The following BCKDHB variants were observed in gnomAD, a reference collection of about 807,000 sequenced individuals.
BCKDHB encodes 2-oxoisovalerate dehydrogenase subunit beta, mitochondrial.
A neutral mutation model predicts 48.5 loss-of-function variants in BCKDHB; 41 were observed. The ratio of observed to expected loss-of-function variants is 0.85; its 90% CI spans 0.66 to 1.10. The LOEUF (loss-of-function observed/expected upper bound fraction) is 1.10. BCKDHB is among the 50% of genes least tolerant of loss of function. The pLI, the probability that BCKDHB is intolerant of heterozygous loss-of-function variation, is 0.00. For missense variants in BCKDHB, 496 were observed against 494.2 expected (o/e 1.00, Z -0.03); for synonymous variants, 201 against 174.8 (o/e 1.15, Z -1.18).
the BCKDHB span, among the ~76,000 whole-genome samples, chr6:80,412,279 G>T: frequency 6.6e-6 from 1 of 151,750 alleles, no homozygotes; most frequent in African/African-American, 2.4e-5. Context: ...GAGTAGCTGG[G>T]ACTACAGGCA....
the BCKDHB span, among the ~76,000 whole-genome samples, chr6:80,394,625 A>G: frequency 6.6e-6 from 1 of 152,148 alleles, no homozygotes; most frequent in African/African-American, 2.4e-5. Flanking sequence ...GAGGTTTGTC[A>G]AGTAACAGCA....
intron 9 of BCKDHB, among the ~76,000 whole-genome samples, chr6:80,338,442 G>A (rs546964319): frequency 3.7e-4 from 57 of 152,252 alleles, no homozygotes; most frequent in African/African-American, 1.3e-3. Context: ...CCCACCAGGG[G>A]GCAGCACCGG....
intron 3 of BCKDHB, among the ~76,000 whole-genome samples, chr6:80,160,086 C>G (rs56108449): frequency 0.012 from 1,759 of 152,336 alleles, 34 homozygotes; most frequent in African/African-American, 0.04. Context: ...TGAAAAATGT[C>G]TAGGGACAGA....
chr6:80,385,650 C>A, the BCKDHB span, among the ~76,000 whole-genome samples: 1 of 152,248 alleles, frequency 6.6e-6, no homozygotes, highest in East Asian at 1.9e-4. Context: ...AATGTTGATT[C>A]TCCTCAGGAG....
chr6:80,108,559 TAAAA>T (rs35042481), intron 1 of BCKDHB, among the ~76,000 whole-genome samples: 119 of 137,384 alleles, frequency 8.7e-4, no homozygotes, highest in Admixed American at 1.4e-3. Flanking sequence ...GGATAAAAAG[TAAAA>T]AAAAAAAAAA....
chr6:80,205,127 G>C (rs901128134), intron 8 of BCKDHB, among the ~76,000 whole-genome samples: 1 of 151,936 alleles, frequency 6.6e-6, no homozygotes, highest in Non-Finnish European at 1.5e-5. Flanking sequence ...TTCTTTTGAT[G>C]TATCAAAAGA....
downstream of BCKDHB, among the ~76,000 whole-genome samples, chr6:80,349,213 A>G (rs1308128467): frequency 6.6e-6 from 1 of 152,226 alleles, no homozygotes; most frequent in Non-Finnish European, 1.5e-5. Flanking sequence ...GTTAACCTTG[A>G]AAGTTTAATA....
intron 3 of BCKDHB, among the ~76,000 whole-genome samples, chr6:80,140,506 A>C (rs1006726792): frequency 6.6e-6 from 1 of 152,142 alleles, no homozygotes; most frequent in East Asian, 1.9e-4. Context: ...GTGAGTTTTT[A>C]GCATGAAGGG....
At chr6:80,399,615 A>C in the BCKDHB span, among the ~76,000 whole-genome samples, 1 of 152,142 alleles carries the variant, frequency 6.6e-6, no homozygotes, top group Admixed American at 6.6e-5. Flanking sequence ...CAAAGTATAA[A>C]ACATTCCATG....
At chr6:80,243,530 A>ATC (rs67899433) in intron 8 of BCKDHB, among the ~76,000 whole-genome samples, 1 of 152,222 alleles carries the variant, frequency 6.6e-6, no homozygotes, top group Non-Finnish European at 1.5e-5. Context: ...GTCCTTAAAT[A>ATC]TCTCTCTCTC....
chr6:80,114,288 G>C lies in BCKDHB; in HGVS notation c.196+7399G>C, dbSNP rs1008321782. 1.5e-4 allele frequency among the ~76,000 whole-genome samples: 23 copies of C among 148,936 alleles called. 1 individual carries two copies. Among genetic ancestry groups the C allele is most frequent in the Non-Finnish European group, 1.9e-4 (13 of 67,454 alleles). On this transcript the variant is annotated intron_variant, in intron 1 of 9. Coordinates refer to ENST00000320393, the MANE Select transcript of BCKDHB (RefSeq NM_183050.4). Reference sequence around the variant, plus strand: ...ATTAAATACAGGGTCTCACTCTCTTGTCTAGGCTGGAGTGCAGTGGCTCAA... The same window carrying C: ...ATTAAATACAGGGTCTCACTCTCTTCTCTAGGCTGGAGTGCAGTGGCTCAA...
At chr6:80,342,983 A>C (rs114352988) in intron 9 of BCKDHB, among the ~76,000 whole-genome samples, 1 of 152,090 alleles carries the variant, frequency 6.6e-6, no homozygotes, top group Non-Finnish European at 1.5e-5. Context: ...GTGCTTTGGG[A>C]GCTCAGAGCA....
intron 3 of BCKDHB, among the ~76,000 whole-genome samples, chr6:80,161,513 A>G (rs1470814565): frequency 1.1e-4 from 16 of 152,224 alleles, no homozygotes; most frequent in Non-Finnish European, 1.5e-5. Flanking sequence ...AACTAAAAAT[A>G]TGTTAAATGC....
At chr6:80,336,038 CCTG>C (rs1328948310) in intron 9 of BCKDHB, among the ~76,000 whole-genome samples, 11 of 151,762 alleles carry the variant, frequency 7.2e-5, no homozygotes, top group African/African-American at 2.4e-4. Flanking sequence ...TTGTCACTTC[CCTG>C]TTGTTACTTA....
intron 9 of BCKDHB, among the ~76,000 whole-genome samples, chr6:80,330,873 T>C (rs1234332829): frequency 6.6e-6 from 1 of 152,228 alleles, no homozygotes; most frequent in African/African-American, 2.4e-5. Context: ...CCACTTTAGC[T>C]GTACCATCCT....
At chr6:80,147,787 G>A (rs984120849) in intron 3 of BCKDHB, among the ~76,000 whole-genome samples, 1 of 152,126 alleles carries the variant, frequency 6.6e-6, no homozygotes, top group East Asian at 1.9e-4. Flanking sequence ...AGCAGCTGCT[G>A]CAGGTCTGAG....
At chr6:80,464,754 T>G in the BCKDHB span, among the ~76,000 whole-genome samples, 1 of 152,208 alleles carries the variant, frequency 6.6e-6, no homozygotes, top group Non-Finnish European at 1.5e-5. Flanking sequence ...CATCTTAGTT[T>G]CTGTATTCTA....
intron 9 of BCKDHB, among the ~76,000 whole-genome samples, chr6:80,323,432 G>A (rs185718344): frequency 5.3e-5 from 8 of 151,930 alleles, no homozygotes; most frequent in African/African-American, 9.7e-5. Flanking sequence ...CATAGATATC[G>A]CCTCCCAACA....
At chr6:80,180,803 A>G (rs753353864) in intron 6 of BCKDHB, among the ~76,000 whole-genome samples, 1 of 152,192 alleles carries the variant, frequency 6.6e-6, no homozygotes, top group African/African-American at 2.4e-5. Context: ...AGAAATTAAT[A>G]TTTTGTATTT....
Sources: gnomAD v4.1 joint callset for allele counts (sites outside exome capture counted in the v4.1 genomes callset) on GRCh38, gnomAD v4.1.1 for gene constraint, MANE v1.5 for transcripts, NCBI Gene and HGNC (gene_info 2026-07-23, HGNC 2026-07-21) for gene names.